Variants in ATG4B observed in about 807,000 individuals in gnomAD.
The protein encoded by ATG4B is autophagy related 4B cysteine peptidase, also known as cysteine protease ATG4B.
In ATG4B, 29 loss-of-function variants were observed where a neutral mutation model predicts 56.6. That is an observed-to-expected ratio of 0.51 (90% confidence interval 0.38 to 0.70). The LOEUF is 0.70. Ranked by LOEUF, ATG4B falls within the 30% of genes least tolerant of loss-of-function variation. The pLI, the probability that ATG4B is intolerant of heterozygous loss-of-function variation, is 0.00. For missense variants in ATG4B, 461 were observed against 515.5 expected, an observed-to-expected ratio of 0.89 and a Z score of 1.02; for synonymous variants, 224 against 206.1, an observed-to-expected ratio of 1.09 and a Z score of -0.74.
intron 3 of ATG4B, among the ~76,000 whole-genome samples, chr2:241,652,406 A>G (rs2068251779): frequency 6.6e-6 from 1 of 152,246 alleles, no homozygotes. Context: ...GGTTTGGCAG[A>G]GGCCTTGTGG....
At chr2:241,637,977 C>A (rs1164191648) in intron 1 of ATG4B, among the ~76,000 whole-genome samples, 1 of 151,610 alleles carries the variant, frequency 6.6e-6, no homozygotes, top group Non-Finnish European at 1.5e-5. Flanking sequence ...CTTTTCCGGT[C>A]CCGTCCGGAG....
intron 7 of ATG4B, among the ~76,000 whole-genome samples, chr2:241,665,219 C>T (rs903919017): frequency 6.6e-6 from 1 of 152,218 alleles, no homozygotes; most frequent in Non-Finnish European, 1.5e-5. Flanking sequence ...GTCATGGCCA[C>T]AAACCCTCCA....
In ATG4B at chr2:241,658,064, C is replaced by T. The variant is rs570543750; in HGVS notation, c.459-1044C>T. On this transcript the variant is annotated intron_variant, in intron 6 of 12. Transcript: ENST00000404914. ...TGGCTACGTTAGTAGTGCCACTCCC[C>T]GTTCCTGCGTTACTGTTCTCTGCAG... Among the ~76,000 whole-genome samples, 209 of 152,338 alleles carry T rather than the reference C, an allele frequency of 1.4e-3. 1 individual carries two copies. The highest frequency in any genetic ancestry group is 0.014 in the Middle Eastern group (4 of 294).
chr2:241,651,098 C>A lies in ATG4B; in HGVS notation c.99C>A (p.Tyr33Ter). 6.2e-7 allele frequency: 1 copy of A among 1,613,408 alleles called. No homozygotes were observed. The highest frequency in any genetic ancestry group is 8.5e-7 in the Non-Finnish European group (1 of 1,179,622). ...SEPVWILGRK[Y>*]SIFTEKDEIL... The stretch of plus-strand genomic sequence containing the variant: ...CCGTTTGGATACTGGGTAGAAAATA[C>A]AGCATTTTCACAGGTATCGGCCATG... The change falls in exon 2 of 13, where the codon TAC (tyrosine) becomes TAA (stop). Residue 33 changes from tyrosine (Y) to a stop codon, truncating the protein, a stop_gained. Coordinates refer to ENST00000404914, the MANE Select transcript of ATG4B (RefSeq NM_013325.5). LOFTEE classifies it high-confidence loss of function. The surrounding 1 kb of genome is among the most constrained non-coding windows in gnomAD (Gnocchi z 4.1).
At chr2:241,650,904 A>G (rs2125122753) in intron 1 of ATG4B, 106 bp from the exon 2 acceptor site, 1 of 930,524 alleles carries the variant, frequency 1.1e-6, no homozygotes, top group East Asian at 2.6e-5. Context: ...TGTTACAAGA[A>G]TTTACAGTTG....
chr2:241,637,899 T>TGTGGGGGGGGGGGGGGGGGG, intron 1 of ATG4B, 175 bp downstream of exon 1: 1 of 146,442 alleles, frequency 6.8e-6, no homozygotes, highest in Non-Finnish European at 1.5e-5. Flanking sequence ...TGGTGGGCGG[T>TGTGGGGGGGGGGGGGGGGGG]GGGAGCGGGA....
chr2:241,671,305 C>T lies in ATG4B; in HGVS notation c.1015-7C>T. On this transcript the variant is annotated splice_region_variant and splice_polypyrimidine_tract_variant and intron_variant, in intron 11 of 12. Transcript: ENST00000404914. Reference sequence around the variant, plus strand: ...GGCTGCACCTAACGGCCATGTCTCACTAACAGCTGTCTCTGCTTGGAGGTG... The same window carrying T: ...GGCTGCACCTAACGGCCATGTCTCATTAACAGCTGTCTCTGCTTGGAGGTG... 1 of 1,611,280 alleles carries T rather than the reference C, an allele frequency of 6.2e-7. No homozygotes were observed. The highest frequency in any genetic ancestry group is 8.5e-7 in the Non-Finnish European group (1 of 1,178,726).
intron 3 of ATG4B, 171 bp from the exon 4 acceptor site, chr2:241,653,341 T>C (rs751236159): frequency 1.4e-5 from 21 of 1,549,722 alleles, no homozygotes; most frequent in Non-Finnish European, 1.7e-5. Context: ...CCAGTAAATG[T>C]GGCCCTTGGC....
intron 6 of ATG4B, among the ~76,000 whole-genome samples, chr2:241,655,845 G>A (rs368417052): frequency 1.3e-5 from 2 of 152,132 alleles, no homozygotes; most frequent in East Asian, 1.9e-4. Flanking sequence ...GCCCCATTGC[G>A]TGCCCGCCCC....
At chr2:241,663,206 C>T (rs2068645211) in intron 7 of ATG4B, among the ~76,000 whole-genome samples, 1 of 152,200 alleles carries the variant, frequency 6.6e-6, no homozygotes, top group Admixed American at 6.5e-5. Flanking sequence ...GCACTCCAGC[C>T]TGTGTGACAC....
intron 1 of ATG4B, among the ~76,000 whole-genome samples, chr2:241,641,854 C>T (rs569385217): frequency 1.3e-5 from 2 of 152,088 alleles, no homozygotes; most frequent in Non-Finnish European, 2.9e-5. Context: ...GCAGGCAGAC[C>T]ACAGTGTGGC....
At position 241,672,010 on chromosome 2, in the gene ATG4B, G is replaced by T. The variant is rs2068993452; in HGVS notation, c.1109-181G>T. The T allele has an allele frequency of 1.4e-6, 2 of 1,423,700 alleles. 1 individual carries two copies. The highest frequency in any genetic ancestry group is 1.8e-6 in the Non-Finnish European group (2 of 1,092,162). The allele number at this position is 1,423,700 out of a possible 1,614,324, so 88.2% of individuals were successfully genotyped here. ...TCACCCTGCCCTGCTCCTCTTCTCT[G>T]CTCCCTCCCCCCATATTCGCAGGTC... On this transcript the variant is annotated intron_variant, in intron 12 of 12. Transcript: ENST00000404914.
intron 4 of ATG4B, 50 bp downstream of exon 4, chr2:241,653,660 C>G (rs566892698): frequency 3.0e-5 from 46 of 1,519,686 alleles, no homozygotes; most frequent in African/African-American, 1.5e-4. Context: ...TCTCAGGAAG[C>G]AAAGGGGACT....
Position 241,668,117 on chromosome 2 carries a change from G to A in ATG4B, c.733-26G>A. The A allele has an allele frequency of 6.4e-7, 1 of 1,569,578 alleles. No individual in the cohort carries two copies. Among genetic ancestry groups the A allele is most frequent in the Non-Finnish European group, 8.6e-7 (1 of 1,157,970 alleles). ...GACCGTCTGCTCCCACCTGGGACCT[G>A]TGCTCAGTCCCCCGCCCCTCCACAG... On this transcript the variant is annotated intron_variant, in intron 8 of 12. Transcript: ENST00000404914. This position sits in a 1 kb window ranked among gnomAD's most constrained non-coding sequence, Gnocchi z 4.2.
At chr2:241,641,061 C>T (rs927767849) in intron 1 of ATG4B, among the ~76,000 whole-genome samples, 1 of 152,164 alleles carries the variant, frequency 6.6e-6, no homozygotes, top group Non-Finnish European at 1.5e-5. Context: ...GGCAGCGAGA[C>T]CAGCTAAGAG....
intron 1 of ATG4B, among the ~76,000 whole-genome samples, chr2:241,647,671 C>T (rs2068105719): frequency 6.7e-6 from 1 of 149,948 alleles, no homozygotes; most frequent in Non-Finnish European, 1.5e-5. Context: ...GTGGTGTTTT[C>T]ATCCTTTTTC....
chr2:241,666,728 G>T lies in ATG4B; in HGVS notation c.622G>T (p.Ala208Ser). The change falls in exon 8 of 13, where the codon GCC becomes TCC. Residue 208 changes from alanine to serine, a missense_variant. Transcript: ENST00000404914. ...DSDRHCNGFP[A>S]GAEVTNRPSP... ...CGACCGGCACTGCAACGGATTCCCT[G>T]CCGGAGCTGAGGTCACCAACAGGCC... is the stretch of plus-strand genomic sequence containing the variant. The T allele has an allele frequency of 6.2e-7, 1 of 1,611,822 alleles. No homozygotes were observed. The highest frequency in any genetic ancestry group is 8.5e-7 in the Non-Finnish European group (1 of 1,179,018).
At chr2:241,641,137 T>C (rs1435382797) in intron 1 of ATG4B, among the ~76,000 whole-genome samples, 2 of 152,224 alleles carry the variant, frequency 1.3e-5, no homozygotes, top group African/African-American at 4.8e-5. Flanking sequence ...GGTTGACTTC[T>C]GCATGTGTTT....
At chr2:241,643,548 G>A (rs1317100002) in intron 1 of ATG4B, among the ~76,000 whole-genome samples, 1 of 149,630 alleles carries the variant, frequency 6.7e-6, no homozygotes, top group Non-Finnish European at 1.5e-5. Flanking sequence ...TTACCTGGAA[G>A]TCTAGAGATG....
Sources: allele counts gnomAD v4.1 joint callset (sites outside exome capture counted in the v4.1 genomes callset), GRCh38; gene constraint gnomAD v4.1.1; non-coding constraint Gnocchi (gnomAD v3.1); transcripts MANE v1.5; gene names NCBI Gene and HGNC (gene_info 2026-07-23, HGNC 2026-07-21).